The following INTS7 variants were observed in gnomAD, a reference collection of about 807,000 sequenced individuals.
INTS7 encodes the protein chromosome 1 open reading frame 73.
Under a neutral mutation model 109.2 loss-of-function variants are expected in INTS7, and 46 were observed. That is an observed-to-expected ratio of 0.42 (90% CI 0.33 to 0.54). The LOEUF (loss-of-function observed/expected upper bound fraction) is 0.54, where lower values mean the gene tolerates loss of function less well. Ranked by LOEUF, INTS7 falls within the 20% of genes least tolerant of loss-of-function variation. INTS7 has a pLI of 0.07. For missense variants in INTS7, 929 were observed against 1,132.4 expected, an observed-to-expected ratio of 0.82 and a Z score of 2.58; for synonymous variants, 412 against 402.9, an observed-to-expected ratio of 1.02 and a Z score of -0.27.
intron 7 of INTS7, among the ~76,000 whole-genome samples, chr1:211,993,016 A>C (rs941918704): frequency 5.9e-5 from 9 of 152,200 alleles, no homozygotes; most frequent in Non-Finnish European, 1.3e-4. Context: ...GTCTGGGTCA[A>C]TCCCTAAATA....
Position 211,951,586 on chromosome 1 carries a change from G to A in INTS7, c.2316+983C>T, listed in dbSNP as rs1053461698. Among the ~76,000 whole-genome samples, 7 of 152,128 alleles carry A rather than the reference G, an allele frequency of 4.6e-5. No individual in the cohort carries two copies. The South Asian group carries it at 6.2e-4, about 14-fold the overall frequency. On this transcript the variant is annotated intron_variant, in intron 17 of 19. Coordinates refer to ENST00000366994, the MANE Select transcript of INTS7 (RefSeq NM_015434.4). ...CTCCCAAAGTGCTGAGATTACAGGCGTGAGCCACCGCACCCGGCCAGGATG... is the reference window on the plus strand; with the variant it reads ...CTCCCAAAGTGCTGAGATTACAGGCATGAGCCACCGCACCCGGCCAGGATG...
intron 16 of INTS7, among the ~76,000 whole-genome samples, chr1:211,956,778 ATTAC>A (rs1663379792): frequency 6.6e-6 from 1 of 152,124 alleles, no homozygotes; most frequent in South Asian, 2.1e-4. Flanking sequence ...ATTCATCTTT[ATTAC>A]TTAGTATTTC....
chr1:211,975,607 G>A (rs141362468), intron 12 of INTS7, among the ~76,000 whole-genome samples: 6 of 152,208 alleles, frequency 3.9e-5, no homozygotes, highest in South Asian at 2.1e-4. Context: ...AAACAGTTCC[G>A]AAAGAGAAAA....
chr1:211,978,462 C>G lies in INTS7; in HGVS notation c.1280G>C (p.Ser427Thr), dbSNP rs751971497. Residue 427 changes from serine (S) to threonine (T), a missense_variant, in exon 11 of 20, where the codon AGC becomes ACC. Physicochemically the swap from Ser to Thr is moderately conservative, Grantham distance 58 (BLOSUM62 1). Around this residue, in one of 2 missense-constraint regions of INTS7, gnomAD observed 787 missense variants for 901.1 expected, o/e 0.87. Transcript: ENST00000366994. ...CAACAAGGTCTCAACTACTGACTGG[C>G]TAAGATGGGGCCTGCCCTTGGCCAA... is the stretch of plus-strand genomic sequence containing the variant. Reference protein sequence around the residue: ...VKLAKGRPHLSQSVVETLLTQ... With the variant: ...VKLAKGRPHLTQSVVETLLTQ... 6.2e-7 allele frequency: 1 copy of G among 1,614,174 alleles called. No individual in the cohort carries two copies. Among genetic ancestry groups the G allele is most frequent in the East Asian group, 2.2e-5 (1 of 44,884 alleles).
intron 7 of INTS7, among the ~76,000 whole-genome samples, chr1:211,997,644 T>C (rs1279740016): frequency 7.3e-5 from 11 of 151,666 alleles, no homozygotes; most frequent in Admixed American, 7.2e-4. Flanking sequence ...TTTCGGAGGC[T>C]GAGACGGGCA....
chr1:212,010,976 C>G (rs564830612), intron 5 of INTS7, among the ~76,000 whole-genome samples: 1 of 152,166 alleles, frequency 6.6e-6, no homozygotes, highest in East Asian at 1.9e-4. Context: ...ATCACCTCAT[C>G]AGAGACTGTC....
At chr1:211,961,421 T>C (rs1663625853) in intron 16 of INTS7, among the ~76,000 whole-genome samples, 3 of 151,462 alleles carry the variant, frequency 2.0e-5, no homozygotes, top group Non-Finnish European at 4.4e-5. Flanking sequence ...TGTGGGCCAA[T>C]ATTCAATTCT....
At chr1:211,978,139 G>A in intron 11 of INTS7, 133 bp downstream of exon 11, 1 of 1,027,538 alleles carries the variant, frequency 9.7e-7, no homozygotes, top group Non-Finnish European at 1.5e-6. Flanking sequence ...ACACTCTTTG[G>A]TCTTAGGTAA....
intron 16 of INTS7, among the ~76,000 whole-genome samples, chr1:211,953,811 T>C (rs1270357897): frequency 1.3e-5 from 2 of 151,832 alleles, no homozygotes; most frequent in African/African-American, 2.4e-5. Context: ...TGTTGGACAT[T>C]TGGGTTGGTT....
chr1:211,963,411 T>C (rs1420279521), intron 16 of INTS7, among the ~76,000 whole-genome samples: 1 of 151,758 alleles, frequency 6.6e-6, no homozygotes, highest in African/African-American at 2.4e-5. Flanking sequence ...CTACCAGGTA[T>C]ACATAGAAGA....
chr1:211,992,600 T>C (rs749152912), intron 7 of INTS7, among the ~76,000 whole-genome samples: 2 of 152,122 alleles, frequency 1.3e-5, no homozygotes, highest in Non-Finnish European at 2.9e-5. Flanking sequence ...GGAGAATCAC[T>C]TGAGCCCAGG....
intron 3 of INTS7, among the ~76,000 whole-genome samples, chr1:212,019,376 CAA>C (rs919116546): frequency 7.2e-5 from 11 of 151,948 alleles, no homozygotes; most frequent in African/African-American, 2.7e-4. Flanking sequence ...AAAGAAATGA[CAA>C]AAGCACTAAA....
In INTS7 at chr1:211,955,109, G is replaced by A. The variant is rs892216869; in HGVS notation, c.2184-2408C>T. Among the ~76,000 whole-genome samples the A allele has an allele frequency of 4.0e-4, 61 of 152,006 alleles. No individual in the cohort carries two copies. In the Middle Eastern group the frequency reaches 0.014, roughly 34 times the overall value. ...AGTTCTCCTTGAAGAGGTCCTTCTTGTCCCTTGTAAGTTGGATTCCTAGGT... is the reference window on the plus strand; with the variant it reads ...AGTTCTCCTTGAAGAGGTCCTTCTTATCCCTTGTAAGTTGGATTCCTAGGT... On this transcript the variant is annotated intron_variant, in intron 16 of 19. Transcript: ENST00000366994.
chr1:212,005,784 T>C (rs966500612), intron 7 of INTS7, among the ~76,000 whole-genome samples: 6 of 152,336 alleles, frequency 3.9e-5, no homozygotes, highest in Non-Finnish European at 7.4e-5. Flanking sequence ...CTCTTAAGCA[T>C]ATTAAGTCTC....
chr1:211,955,870 C>A (rs563767922), intron 16 of INTS7, among the ~76,000 whole-genome samples: 2 of 152,184 alleles, frequency 1.3e-5, no homozygotes, highest in Non-Finnish European at 2.9e-5. Context: ...AGTTCTGTTT[C>A]CTGTTCTGTA....
chr1:211,998,147 T>C (rs1665495434), intron 7 of INTS7, among the ~76,000 whole-genome samples: 1 of 152,294 alleles, frequency 6.6e-6, no homozygotes, highest in Admixed American at 6.5e-5. Context: ...ATTTTTTTTG[T>C]AGAGACAGGG....
chr1:212,030,023 C>G (rs926055813), intron 1 of INTS7, among the ~76,000 whole-genome samples: 4 of 152,104 alleles, frequency 2.6e-5, no homozygotes, highest in African/African-American at 9.7e-5. Context: ...GCAACATCAT[C>G]CAGTATGCAC....
chr1:212,000,891 T>C (rs1476240481), intron 7 of INTS7, among the ~76,000 whole-genome samples: 1 of 152,182 alleles, frequency 6.6e-6, no homozygotes, highest in East Asian at 1.9e-4. Context: ...ACTTCTACAC[T>C]GGATCCCTTC....
chr1:212,008,744 C>T (rs1666042184), intron 5 of INTS7, among the ~76,000 whole-genome samples: 1 of 152,190 alleles, frequency 6.6e-6, no homozygotes, highest in South Asian at 2.1e-4. Flanking sequence ...TAAATCACAT[C>T]ATTATAGCTT....
Sources: gnomAD v4.1 joint callset for allele counts (sites outside exome capture counted in the v4.1 genomes callset) on GRCh38, gnomAD v4.1.1 for gene constraint, gnomAD v4.1.1 regional missense constraint, MANE v1.5 for transcripts, NCBI Gene and HGNC (gene_info 2026-07-23, HGNC 2026-07-21) for gene names.